GMNN: variants seen among roughly 807,000 people sequenced by gnomAD.
GMNN encodes the protein geminin.
GMNN carries 14 observed loss-of-function variants against 20.9 expected under a neutral mutation model. That is an observed-to-expected ratio of 0.67 (90% CI 0.44 to 1.05). The LOEUF is 1.05. Ranked by LOEUF, GMNN falls within the 50% of genes least tolerant of loss-of-function variation. The pLI, the probability that GMNN is intolerant of heterozygous loss-of-function variation, is 0.00. For synonymous variants in GMNN, 81 were observed against 85.8 expected, an observed-to-expected ratio of 0.94 and a Z score of 0.31; for missense variants, 227 against 243.8, an observed-to-expected ratio of 0.93 and a Z score of 0.46.
At position 24,782,605 on chromosome 6, in the gene GMNN, T is replaced by C. The variant is rs1052332161; in HGVS notation, c.274+984T>C. 7.2e-5 allele frequency among the ~76,000 whole-genome samples: 11 copies of C among 152,324 alleles called. No individual in the cohort carries two copies. The East Asian group carries it at 2.1e-3, about 29-fold the overall frequency. On this transcript the variant is annotated intron_variant, in intron 4 of 6. Coordinates refer to ENST00000230056, the MANE Select transcript of GMNN (RefSeq NM_015895.5). ...TGACTGGATAGAAATAAAGCAGCTC[T>C]TTAAAAATATTGTAGATTGAAGAGC...
intron 2 of GMNN, among the ~76,000 whole-genome samples, chr6:24,778,896 C>G (rs990911681): frequency 6.6e-6 from 1 of 152,168 alleles, no homozygotes; most frequent in Admixed American, 6.5e-5. Flanking sequence ...TGAAGCAAAT[C>G]ACAGCCAAAT....
In GMNN at chr6:24,785,920, C is replaced by A; in HGVS notation, c.*121C>A. ...GGAATCAAATTTCCTTGTTTGAATC[C>A]TGGGACCCTATTGCATTAAAGTACA... On this transcript the variant is annotated 3_prime_UTR_variant, in exon 7 of 7. Coordinates refer to ENST00000230056, the MANE Select transcript of GMNN (RefSeq NM_015895.5). 2 of 647,770 alleles carry A rather than the reference C, an allele frequency of 3.1e-6. No individual in the cohort carries two copies. Among genetic ancestry groups the A allele is most frequent in the Non-Finnish European group, 5.4e-6 (2 of 373,314 alleles). The allele number at this position is 647,770 out of a possible 1,614,324, so 40.1% of individuals were successfully genotyped here.
At position 24,777,317 on chromosome 6, in the gene GMNN, TA is replaced by T. The variant is rs766629773; in HGVS notation, c.51+22del. On this transcript the variant is annotated intron_variant, in intron 2 of 6. Transcript: ENST00000230056. The stretch of plus-strand genomic sequence containing the variant: ...ATAAAGGTATGTGATTGAATAACTT[TA>T]ATTTTTTTTTGTAGAAAGCATGGGG... The T allele has an allele frequency of 3.0e-6, 3 of 987,528 alleles. No homozygotes were observed. In the African/African-American group the frequency reaches 5.1e-5, roughly 17 times the overall value. The allele number at this position is 987,528 out of a possible 1,614,324, so 61.2% of individuals were successfully genotyped here.
chr6:24,782,429 A>G (rs1329180254), intron 4 of GMNN, among the ~76,000 whole-genome samples: 1 of 152,206 alleles, frequency 6.6e-6, no homozygotes. Context: ...GGGTCATTGA[A>G]TGTTAAGTAC....
At chr6:24,775,382 C>T (rs1780037641) in intron 1 of GMNN, 138 bp downstream of exon 1, 1 of 152,236 alleles carries the variant, frequency 6.6e-6, no homozygotes. Flanking sequence ...TGGCGCAGTT[C>T]CCGAGGCGCG....
At chr6:24,779,212 C>T (rs534679122) in intron 2 of GMNN, among the ~76,000 whole-genome samples, 1 of 152,098 alleles carries the variant, frequency 6.6e-6, no homozygotes, top group East Asian at 1.9e-4. Context: ...AGGTTAAGAC[C>T]CATTAATATA....
At chr6:24,785,084 A>G (rs557907109) in intron 6 of GMNN, among the ~76,000 whole-genome samples, 5 of 152,258 alleles carry the variant, frequency 3.3e-5, no homozygotes, top group South Asian at 4.1e-4. Context: ...AGTAGCTAAT[A>G]TGTTTGTAAG....
rs1193075012 is a variant in GMNN at position 24,777,220 on chromosome 6, A to G, written c.-25-2A>G. On this transcript the variant is annotated splice_acceptor_variant, in intron 1 of 6. Transcript: ENST00000230056. LOFTEE classifies it low-confidence loss of function (5UTR_SPLICE). ...CAAACCATATTGTTTTTTAATTACT[A>G]GTCTTCTGTGCTTCACCATCTACAT... 3.5e-6 allele frequency: 4 copies of G among 1,146,504 alleles called. No homozygotes were observed. Among genetic ancestry groups the G allele is most frequent in the South Asian group, 1.5e-5 (1 of 65,928 alleles). The allele number at this position is 1,146,504 out of a possible 1,614,324, so 71.0% of individuals were successfully genotyped here. A position where few individuals can be genotyped will look rare whatever the true frequency, so the allele number is the denominator to read the frequency against.
At chr6:24,784,673 C>A in intron 6 of GMNN, 119 bp downstream of exon 6, 1 of 517,514 alleles carries the variant, frequency 1.9e-6, no homozygotes, top group Non-Finnish European at 3.5e-6. Context: ...GGATTTAAGA[C>A]TTAACTTCCT....
intron 5 of GMNN, 79 bp from the exon 6 acceptor site, chr6:24,784,365 G>C (rs1780294868): frequency 4.0e-6 from 3 of 753,572 alleles, no homozygotes; most frequent in African/African-American, 1.7e-5. Flanking sequence ...TGTCCTCCAT[G>C]TTATATACTT....
intron 3 of GMNN, among the ~76,000 whole-genome samples, chr6:24,781,006 G>A (rs1780200154): frequency 6.6e-6 from 1 of 152,088 alleles, no homozygotes; most frequent in African/African-American, 2.4e-5. Context: ...CTTGAGACAA[G>A]CCTGGCCAAC....
At chr6:24,778,003 T>C (rs1780117882) in intron 2 of GMNN, among the ~76,000 whole-genome samples, 1 of 152,212 alleles carries the variant, frequency 6.6e-6, no homozygotes, top group East Asian at 1.9e-4. Context: ...TATGATACTT[T>C]CACTGGAAAT....
chr6:24,779,075 C>A (rs901046003), intron 2 of GMNN, among the ~76,000 whole-genome samples: 12 of 152,194 alleles, frequency 7.9e-5, no homozygotes, highest in African/African-American at 2.7e-4. Flanking sequence ...GTTTACTCAT[C>A]TGTAAATTGG....
At chr6:24,778,130 C>A (rs943723439) in intron 2 of GMNN, among the ~76,000 whole-genome samples, 1 of 152,148 alleles carries the variant, frequency 6.6e-6, no homozygotes, top group African/African-American at 2.4e-5. Context: ...TAGCTAGGTC[C>A]TTCCACACAA....
chr6:24,779,096 CTA>C (rs1183589901), intron 2 of GMNN, among the ~76,000 whole-genome samples: 1 of 152,184 alleles, frequency 6.6e-6, no homozygotes, highest in African/African-American at 2.4e-5. Context: ...GAGAACTGGA[CTA>C]GAACTAGATC....
At position 24,785,499 on chromosome 6, in the gene GMNN, A is replaced by G. The variant is rs1022708765; in HGVS notation, c.469-139A>G. The G allele has an allele frequency of 7.9e-6, 4 of 503,962 alleles. No homozygotes were observed. The African/African-American group carries it at 8.1e-5, about 10-fold the overall frequency. The allele number at this position is 503,962 out of a possible 1,614,324, so 31.2% of individuals were successfully genotyped here. ...TAGAGACTTTGATATAATACTGTTT[A>G]TAAATGAATTTATTGAGGGGCAAGA... On this transcript the variant is annotated intron_variant, in intron 6 of 6. Coordinates refer to ENST00000230056, the MANE Select transcript of GMNN (RefSeq NM_015895.5).
intron 6 of GMNN, 49 bp from the exon 7 acceptor site, chr6:24,785,589 C>A: frequency 2.1e-6 from 2 of 945,992 alleles, no homozygotes; most frequent in Non-Finnish European, 3.3e-6. Flanking sequence ...TGCTGATCAG[C>A]TTAGGTTTTA....
rs1437500453 is a variant in GMNN at position 24,785,953 on chromosome 6, T to C, written c.*154T>C. ...CTATTGCATTAAAGTACAAATACTATGTATTTTTAATCTATGATGGTTTAT... is the reference window on the plus strand; with the variant it reads ...CTATTGCATTAAAGTACAAATACTACGTATTTTTAATCTATGATGGTTTAT... On this transcript the variant is annotated 3_prime_UTR_variant, in exon 7 of 7. Coordinates refer to ENST00000230056, the MANE Select transcript of GMNN (RefSeq NM_015895.5). 1 of 537,896 alleles carries C rather than the reference T, an allele frequency of 1.9e-6. No homozygotes were observed. Among genetic ancestry groups the C allele is most frequent in the African/African-American group, 2.0e-5 (1 of 50,056 alleles). The allele number at this position is 537,896 out of a possible 1,614,324, so 33.3% of individuals were successfully genotyped here. A position where few individuals can be genotyped will look rare whatever the true frequency, so the allele number is the denominator to read the frequency against.
Position 24,784,208 on chromosome 6 carries a change from C to T in GMNN, c.357+39C>T, listed in dbSNP as rs2307308. ...ATAATTTGTACCATTTTTAAAAATTCCAGGATTGTTTTGCTGCTTAGCATA... is the reference window on the plus strand; with the variant it reads ...ATAATTTGTACCATTTTTAAAAATTTCAGGATTGTTTTGCTGCTTAGCATA... On this transcript the variant is annotated intron_variant, in intron 5 of 6. Transcript: ENST00000230056. 25,389 of 1,047,588 alleles carry T rather than the reference C, an allele frequency of 0.024. 463 individuals carry two copies. Among genetic ancestry groups the T allele is most frequent in the Middle Eastern group, 0.036 (169 of 4,732 alleles). 64.9% of individuals were successfully genotyped at this position (1,047,588 alleles called of 1,614,324 possible).
Sources: gnomAD v4.1 joint callset for allele counts (sites outside exome capture counted in the v4.1 genomes callset) on GRCh38, gnomAD v4.1.1 for gene constraint, MANE v1.5 for transcripts, NCBI Gene and HGNC (gene_info 2026-07-23, HGNC 2026-07-21) for gene names.